IGSF21: variants seen among roughly 807,000 people sequenced by gnomAD.
IGSF21 encodes the protein immunoglobulin superfamily member 21.
IGSF21 carries 28 observed loss-of-function variants against 46.8 expected under a neutral mutation model. That is an observed-to-expected ratio of 0.60 (90% CI 0.44 to 0.82). The LOEUF is 0.82. Ranked by LOEUF, IGSF21 falls within the 40% of genes least tolerant of loss-of-function variation. The pLI is 0.00. For synonymous variants in IGSF21, 284 were observed against 273.6 expected, an observed-to-expected ratio of 1.04 and a Z score of -0.38; for missense variants, 624 against 665.5, an observed-to-expected ratio of 0.94 and a Z score of 0.69.
intron 2 of IGSF21, among the ~76,000 whole-genome samples, chr1:18,243,135 G>A (rs1194262123): frequency 6.6e-6 from 1 of 152,198 alleles, no homozygotes; most frequent in Non-Finnish European, 1.5e-5. Context: ...AAGGGGAACA[G>A]TCAAGAAATT....
intron 1 of IGSF21, among the ~76,000 whole-genome samples, chr1:18,197,217 C>T (rs954522306): frequency 1.6e-4 from 24 of 152,272 alleles, no homozygotes; most frequent in Non-Finnish European, 2.6e-4. Context: ...AGGTCATGGG[C>T]GGGCAACCCA....
In IGSF21 at chr1:18,376,900, G is replaced by T; in HGVS notation, c.1202G>T (p.Arg401Leu). The T allele has an allele frequency of 6.2e-7, 1 of 1,612,952 alleles. No homozygotes were observed. Among genetic ancestry groups the T allele is most frequent in the African/African-American group, 1.3e-5 (1 of 75,024 alleles). ...EFDGKELVLE[R>L]VPAELNGSMY... ...GACGGGAAGGAGCTGGTGCTGGAGC[G>T]GGTTCCCGCCGAGCTCAATGGCTCC... Residue 401 changes from arginine to leucine, a missense_variant, in exon 8 of 10, where the codon CGG becomes CTG. By Grantham distance (102) the Arg-to-Leu change is moderately radical. Coordinates refer to ENST00000251296, the MANE Select transcript of IGSF21 (RefSeq NM_032880.5).
intron 1 of IGSF21, among the ~76,000 whole-genome samples, chr1:18,209,943 ATCT>A (rs1400910311): frequency 6.6e-6 from 1 of 151,926 alleles, no homozygotes; most frequent in African/African-American, 2.4e-5. Flanking sequence ...GGAATAAATG[ATCT>A]TCTGTTCACC....
chr1:18,267,055 C>A (rs1157121848), intron 2 of IGSF21, among the ~76,000 whole-genome samples: 2 of 152,174 alleles, frequency 1.3e-5, no homozygotes, highest in Non-Finnish European at 2.9e-5. Flanking sequence ...CCTTGGAGAG[C>A]CCATGGCCCC....
At chr1:18,124,215 T>G (rs2086257340) in intron 1 of IGSF21, among the ~76,000 whole-genome samples, 1 of 152,222 alleles carries the variant, frequency 6.6e-6, no homozygotes, top group Non-Finnish European at 1.5e-5. Context: ...CTCTTCTTCC[T>G]GGACCTCCTC....
chr1:18,196,915 C>T (rs890754486), intron 1 of IGSF21, among the ~76,000 whole-genome samples: 1 of 152,044 alleles, frequency 6.6e-6, no homozygotes, highest in African/African-American at 2.4e-5. Flanking sequence ...CGCCCCGTGC[C>T]CCTGTCCAGA....
intron 1 of IGSF21, among the ~76,000 whole-genome samples, chr1:18,131,074 C>T (rs12033458): frequency 0.28 from 41,996 of 152,176 alleles, 7,193 homozygotes; most frequent in East Asian, 0.64. Context: ...TTCCTCTATC[C>T]AGGGAGGAGA....
chr1:18,308,917 A>G (rs1393379953), intron 3 of IGSF21, among the ~76,000 whole-genome samples: 1 of 152,152 alleles, frequency 6.6e-6, no homozygotes, highest in African/African-American at 2.4e-5. Flanking sequence ...AGCCCAGGCC[A>G]GGGCACTCAC....
chr1:18,183,113 C>G (rs980807648), intron 1 of IGSF21, among the ~76,000 whole-genome samples: 7 of 152,208 alleles, frequency 4.6e-5, no homozygotes, highest in African/African-American at 1.7e-4. Flanking sequence ...ATGTGCTGTT[C>G]TAAAAGCAGC....
chr1:18,375,731 ACCTTGATCTTGGCTCT>A (rs2086273829), intron 6 of IGSF21, among the ~76,000 whole-genome samples: 1 of 152,168 alleles, frequency 6.6e-6, no homozygotes, highest in Admixed American at 6.5e-5. Flanking sequence ...GGAGACCCGC[ACCTTGATCTTGGCTCT>A]CCTCAAGGTG....
At chr1:18,339,914 C>T (rs1033277072) in intron 4 of IGSF21, among the ~76,000 whole-genome samples, 5 of 152,204 alleles carry the variant, frequency 3.3e-5, no homozygotes, top group African/African-American at 1.2e-4. Context: ...ACCTCCCCCA[C>T]TTCTCAAACC....
At chr1:18,205,125 A>C (rs2087113025) in intron 1 of IGSF21, among the ~76,000 whole-genome samples, 1 of 150,590 alleles carries the variant, frequency 6.6e-6, no homozygotes, top group Non-Finnish European at 1.5e-5. Flanking sequence ...GGGGGAGAGA[A>C]GAAAGATAAG....
intron 2 of IGSF21, among the ~76,000 whole-genome samples, chr1:18,268,766 A>G (rs2085014530): frequency 1.3e-5 from 2 of 152,152 alleles, no homozygotes; most frequent in South Asian, 4.1e-4. Flanking sequence ...CTCCCTCCTG[A>G]AGGTCTCCAG....
intron 1 of IGSF21, among the ~76,000 whole-genome samples, chr1:18,117,158 A>C (rs2086195895): frequency 3.9e-5 from 6 of 152,216 alleles, no homozygotes; most frequent in Admixed American, 3.9e-4. Context: ...CCACTGGGTT[A>C]TAAATGGTTG....
At chr1:18,364,313 G>A (rs4920487) in intron 5 of IGSF21, among the ~76,000 whole-genome samples, 51,185 of 151,626 alleles carry the variant, frequency 0.34, 8,859 homozygotes, top group East Asian at 0.52. Context: ...AAAAACCAAC[G>A]CAGGCTATCA....
At chr1:18,231,987 T>C (rs1489880090) in intron 2 of IGSF21, among the ~76,000 whole-genome samples, 3 of 136,870 alleles carry the variant, frequency 2.2e-5, no homozygotes, top group African/African-American at 7.9e-5. Flanking sequence ...AAAAGGGAGA[T>C]GGTCATCATG....
chr1:18,305,897 GGTCACAT>G, intron 3 of IGSF21, among the ~76,000 whole-genome samples: 1 of 152,320 alleles, frequency 6.6e-6, no homozygotes, highest in African/African-American at 2.4e-5. Flanking sequence ...ACTTGCTTGA[GGTCACAT>G]ATCCCAGTAG....
chr1:18,249,808 C>T lies in IGSF21; in HGVS notation c.183+21798C>T, dbSNP rs542775281. The stretch of plus-strand genomic sequence containing the variant: ...GTTGTGGATGGGAAACCCACTGGCA[C>T]GGGTGCTGGCAACAGTCAGACTGCA... On this transcript the variant is annotated intron_variant, in intron 2 of 9. Coordinates refer to ENST00000251296, the MANE Select transcript of IGSF21 (RefSeq NM_032880.5). Among the ~76,000 whole-genome samples the T allele has an allele frequency of 1.6e-3, 238 of 152,294 alleles. 1 individual carries two copies. Among genetic ancestry groups the T allele is most frequent in the South Asian group, 8.9e-3 (43 of 4,832 alleles).
At chr1:18,242,610 A>C (rs2084742933) in intron 2 of IGSF21, among the ~76,000 whole-genome samples, 1 of 152,152 alleles carries the variant, frequency 6.6e-6, no homozygotes, top group Admixed American at 6.5e-5. Flanking sequence ...TGCTTCTAAA[A>C]TAATTGAGGG....
Sources: allele counts gnomAD v4.1 joint callset (sites outside exome capture counted in the v4.1 genomes callset), GRCh38; gene constraint gnomAD v4.1.1; transcripts MANE v1.5; gene names NCBI Gene and HGNC (gene_info 2026-07-23, HGNC 2026-07-21).